The following QTMAN variants were observed in gnomAD, a reference collection of about 807,000 sequenced individuals.
QTMAN encodes the protein tRNA-queuosine alpha-mannosyltransferase.
At chr2:144,008,960 TAGAG>T in the QTMAN span, among the ~76,000 whole-genome samples, 2 of 150,170 alleles carry the variant, frequency 1.3e-5, no homozygotes, top group African/African-American at 4.9e-5. Flanking sequence ...GAAAAGGAGG[TAGAG>T]AGAAGGGAGG....
the QTMAN span, among the ~76,000 whole-genome samples, chr2:144,204,104 A>G: frequency 7.9e-5 from 12 of 152,218 alleles, no homozygotes; most frequent in Non-Finnish European, 5.9e-5. Context: ...TTCATGTCTA[A>G]AACACCAAAA....
the QTMAN span, among the ~76,000 whole-genome samples, chr2:144,136,900 T>C: frequency 1.3e-5 from 2 of 152,142 alleles, no homozygotes; most frequent in Admixed American, 1.3e-4. Flanking sequence ...AAAATCTGTT[T>C]TGTTGACCAC....
At chr2:144,116,644 G>C in the QTMAN span, among the ~76,000 whole-genome samples, 2 of 152,210 alleles carry the variant, frequency 1.3e-5, no homozygotes, top group Non-Finnish European at 2.9e-5. Context: ...CAACCTGAGA[G>C]AGAGAGCACA....
At chr2:144,149,167 T>C in the QTMAN span, among the ~76,000 whole-genome samples, 1 of 151,950 alleles carries the variant, frequency 6.6e-6, no homozygotes, top group Non-Finnish European at 1.5e-5. Flanking sequence ...ATGCTCATCC[T>C]GCCTCAGGTA....
the QTMAN span, among the ~76,000 whole-genome samples, chr2:144,203,730 T>C: frequency 6.6e-6 from 1 of 152,180 alleles, no homozygotes; most frequent in Non-Finnish European, 1.5e-5. Context: ...CCATACCTAC[T>C]TCTAATTGTA....
chr2:144,034,577 A>G, the QTMAN span, among the ~76,000 whole-genome samples: 1 of 152,106 alleles, frequency 6.6e-6, no homozygotes, highest in Admixed American at 6.6e-5. Context: ...TGGATTTACA[A>G]TCCATCTCTA....
chr2:144,182,858 TATA>T, the QTMAN span, among the ~76,000 whole-genome samples: 28 of 70,678 alleles, frequency 4.0e-4, no homozygotes, highest in South Asian at 6.4e-4. Flanking sequence ...ATATTTTATA[TATA>T]ATATATATAT....
chr2:144,124,888 TAAAAAACGGTC>T, the QTMAN span, among the ~76,000 whole-genome samples: 1 of 152,126 alleles, frequency 6.6e-6, no homozygotes, highest in Non-Finnish European at 1.5e-5. Flanking sequence ...TGACAGTTAC[TAAAAAACGGTC>T]AATGTTCTTT....
the QTMAN span, among the ~76,000 whole-genome samples, chr2:143,990,730 A>C: frequency 6.6e-6 from 1 of 152,192 alleles, no homozygotes. Flanking sequence ...CAAAAAATAT[A>C]GGCTCGTGAT....
the QTMAN span, among the ~76,000 whole-genome samples, chr2:144,024,637 C>T: frequency 9.9e-4 from 151 of 152,274 alleles, no homozygotes; most frequent in African/African-American, 3.4e-3. Context: ...AATAAGGTTT[C>T]ATTAAAGAGT....
At chr2:144,249,038 T>C in the QTMAN span, among the ~76,000 whole-genome samples, 5 of 152,218 alleles carry the variant, frequency 3.3e-5, no homozygotes, top group Admixed American at 6.5e-5. Flanking sequence ...TGACTATAGA[T>C]AAATTTGGAT....
At chr2:144,193,728 T>C in the QTMAN span, among the ~76,000 whole-genome samples, 2 of 152,072 alleles carry the variant, frequency 1.3e-5, no homozygotes, top group South Asian at 2.1e-4. Flanking sequence ...AGTCTTGCTA[T>C]GTTGCCAAGA....
the QTMAN span, among the ~76,000 whole-genome samples, chr2:143,985,535 A>G: frequency 6.6e-6 from 1 of 152,246 alleles, no homozygotes; most frequent in Admixed American, 6.5e-5. Context: ...TGAATTTCCC[A>G]TATAAATCTT....
the QTMAN span, among the ~76,000 whole-genome samples, chr2:144,185,019 G>C: frequency 6.6e-6 from 1 of 151,998 alleles, no homozygotes; most frequent in Non-Finnish European, 1.5e-5. Flanking sequence ...CATCTTTCCT[G>C]ACCACTTCTT....
the QTMAN span, among the ~76,000 whole-genome samples, chr2:144,058,844 C>A: frequency 6.6e-6 from 1 of 152,118 alleles, no homozygotes; most frequent in African/African-American, 2.4e-5. Context: ...CTAATCAACC[C>A]CCAAGTTTCA....
chr2:144,245,579 T>A, the QTMAN span, among the ~76,000 whole-genome samples: 1 of 152,224 alleles, frequency 6.6e-6, no homozygotes, highest in Admixed American at 6.5e-5. Context: ...CAAATTATTT[T>A]CATCTACAAT....
the QTMAN span, among the ~76,000 whole-genome samples, chr2:144,302,733 G>A: frequency 1.3e-5 from 2 of 152,188 alleles, no homozygotes; most frequent in Non-Finnish European, 1.5e-5. Flanking sequence ...GTAGTAAGGA[G>A]TATTTGACAA....
the QTMAN span, among the ~76,000 whole-genome samples, chr2:144,014,333 G>C: frequency 1.3e-5 from 2 of 152,272 alleles, no homozygotes; most frequent in East Asian, 3.9e-4. Flanking sequence ...CCCAACCGTG[G>C]CTGTGAGGCT....
At chr2:144,268,236 C>T in the QTMAN span, among the ~76,000 whole-genome samples, 1 of 152,320 alleles carries the variant, frequency 6.6e-6, no homozygotes, top group African/African-American at 2.4e-5. Flanking sequence ...TGCTCCCTTT[C>T]TTCTGCCATG....
Sources: allele counts gnomAD v4.1 joint callset (sites outside exome capture counted in the v4.1 genomes callset), GRCh38; gene constraint gnomAD v4.1.1; transcripts MANE v1.5; gene names NCBI Gene and HGNC (gene_info 2026-07-23, HGNC 2026-07-21).